Variants in CCDC178 observed in about 807,000 individuals in gnomAD.
CCDC178 encodes coiled-coil domain-containing protein 178.
In CCDC178, 126 loss-of-function variants were observed where a neutral mutation model predicts 117.4. The observed-to-expected ratio is 1.07, with a 90% CI of 0.93 to 1.24. The LOEUF is 1.24. CCDC178 is among the 50% of genes most tolerant of loss of function. The pLI is 0.00. For synonymous variants in CCDC178, 283 were observed against 313.4 expected, an observed-to-expected ratio of 0.90 and a Z score of 1.02; for missense variants, 1,030 against 986.9, an observed-to-expected ratio of 1.04 and a Z score of -0.59.
chr18:33,402,939 C>T (rs2063728592), intron 3 of CCDC178, among the ~76,000 whole-genome samples: 1 of 152,164 alleles, frequency 6.6e-6, no homozygotes, highest in South Asian at 2.1e-4. Context: ...AGGGGAGAGC[C>T]TAGACTTGTA....
At chr18:33,219,042 C>A (rs1485705145) in intron 18 of CCDC178, among the ~76,000 whole-genome samples, 1 of 152,080 alleles carries the variant, frequency 6.6e-6, no homozygotes, top group Non-Finnish European at 1.5e-5. Flanking sequence ...TTACTTTGGG[C>A]AGTATGGCAG....
chr18:33,108,046 T>C (rs1332339129), intron 20 of CCDC178, among the ~76,000 whole-genome samples: 3 of 151,674 alleles, frequency 2.0e-5, no homozygotes, highest in Non-Finnish European at 4.4e-5. Context: ...AGGATGTTTG[T>C]CATGGTATTT....
intron 11 of CCDC178, among the ~76,000 whole-genome samples, chr18:33,314,198 CTCAAAAAAAAAAAA>C (rs1568138144): frequency 4.7e-5 from 2 of 43,008 alleles, no homozygotes; most frequent in Non-Finnish European, 8.3e-5. Flanking sequence ...GAGACTCCGT[CTCAAAAAAAAAAAA>C]AAAAAAAAAA....
Position 33,349,031 on chromosome 18 carries a change from AT to A in CCDC178, c.372-57del, listed in dbSNP as rs950167005. 5.0e-5 allele frequency: 51 copies of A among 1,029,024 alleles called. No individual in the cohort carries two copies. In the African/African-American group the frequency reaches 7.4e-4, roughly 15 times the overall value. 63.7% of individuals were successfully genotyped at this position (1,029,024 alleles called of 1,614,324 possible). On this transcript the variant is annotated intron_variant, in intron 7 of 22. Coordinates refer to ENST00000383096, the MANE Select transcript of CCDC178 (RefSeq NM_001105528.4). ...GAAGTACTTAAAGTTAGTAAAACAAATTTTAGGTTATGCTCTTCTATTGAAT... is the reference window on the plus strand; with the variant it reads ...GAAGTACTTAAAGTTAGTAAAACAAATTTAGGTTATGCTCTTCTATTGAAT...
intron 11 of CCDC178, among the ~76,000 whole-genome samples, chr18:33,322,419 C>T (rs978594781): frequency 1.4e-4 from 22 of 151,830 alleles, no homozygotes; most frequent in Non-Finnish European, 3.0e-4. Context: ...ACAGTACACT[C>T]AACAAGTAAA....
intron 2 of CCDC178, among the ~76,000 whole-genome samples, chr18:33,423,373 A>C (rs369908810): frequency 6.6e-6 from 1 of 152,162 alleles, no homozygotes; most frequent in African/African-American, 2.4e-5. Flanking sequence ...CTGTAAAAAA[A>C]TTCGACATAA....
chr18:33,138,238 G>C (rs1012941963), intron 20 of CCDC178, among the ~76,000 whole-genome samples: 2 of 152,254 alleles, frequency 1.3e-5, no homozygotes, highest in East Asian at 3.9e-4. Flanking sequence ...TTAATTCTTT[G>C]CATGTCAACT....
intron 21 of CCDC178, among the ~76,000 whole-genome samples, chr18:33,012,924 T>C (rs2055901341): frequency 6.6e-6 from 1 of 152,132 alleles, no homozygotes; most frequent in Non-Finnish European, 1.5e-5. Context: ...AACTGTTTCT[T>C]ACACAAGGAT....
chr18:33,117,774 G>A (rs271566), intron 20 of CCDC178, among the ~76,000 whole-genome samples: 14,888 of 151,378 alleles, frequency 0.098, 955 homozygotes, highest in African/African-American at 0.18. Context: ...TGCCTTCCCT[G>A]CTATAAAACA....
intron 20 of CCDC178, among the ~76,000 whole-genome samples, chr18:33,209,907 G>T (rs149680355): frequency 1.5e-3 from 225 of 152,094 alleles, no homozygotes; most frequent in African/African-American, 5.0e-3. Flanking sequence ...AAAAGAAAGA[G>T]AATGAGACAG....
chr18:33,316,380 C>T (rs1009050571), intron 11 of CCDC178, among the ~76,000 whole-genome samples: 4 of 152,200 alleles, frequency 2.6e-5, no homozygotes, highest in Non-Finnish European at 5.9e-5. Flanking sequence ...AGCTGCTGCG[C>T]TCGATTTCTC....
chr18:32,978,982 A>G (rs1179793085), intron 21 of CCDC178, among the ~76,000 whole-genome samples: 1 of 151,362 alleles, frequency 6.6e-6, no homozygotes, highest in Non-Finnish European at 1.5e-5. Flanking sequence ...GGTTGCAGTG[A>G]GCAGAGATCG....
chr18:32,965,866 C>A (rs2054801922), intron 22 of CCDC178, among the ~76,000 whole-genome samples: 2 of 149,708 alleles, frequency 1.3e-5, no homozygotes, highest in African/African-American at 4.9e-5. Context: ...ATCATTTATT[C>A]ATATATGAAA....
chr18:33,402,240 C>T (rs1016501339), intron 3 of CCDC178, among the ~76,000 whole-genome samples: 4 of 152,090 alleles, frequency 2.6e-5, no homozygotes, highest in African/African-American at 9.7e-5. Context: ...TTTAAAAAGG[C>T]GAAATTGTCA....
At chr18:33,433,739 C>A (rs1180615328) in intron 2 of CCDC178, among the ~76,000 whole-genome samples, 2 of 151,842 alleles carry the variant, frequency 1.3e-5, no homozygotes, top group African/African-American at 4.8e-5. Flanking sequence ...AACAGTAAAG[C>A]GCCTTAATAG....
At chr18:33,337,553 T>C (rs904040548) in intron 9 of CCDC178, among the ~76,000 whole-genome samples, 9 of 152,050 alleles carry the variant, frequency 5.9e-5, no homozygotes, top group African/African-American at 1.9e-4. Flanking sequence ...GGTATTGGTA[T>C]AAAAATGGGC....
chr18:33,113,876 G>T (rs1343797911), intron 20 of CCDC178, among the ~76,000 whole-genome samples: 7 of 152,012 alleles, frequency 4.6e-5, no homozygotes, highest in Non-Finnish European at 1.0e-4. Flanking sequence ...TGGTGGTTTA[G>T]ATTCTTCCCA....
chr18:33,384,492 C>T (rs1220728202), intron 5 of CCDC178, among the ~76,000 whole-genome samples: 1 of 152,118 alleles, frequency 6.6e-6, no homozygotes, highest in Non-Finnish European at 1.5e-5. Context: ...AAAGGGCAAC[C>T]CATCAGACTA....
intron 22 of CCDC178, among the ~76,000 whole-genome samples, chr18:32,963,239 C>T (rs897997841): frequency 6.6e-6 from 1 of 152,000 alleles, no homozygotes; most frequent in African/African-American, 2.4e-5. Flanking sequence ...ATTCCATATC[C>T]CAGGAATCTG....
Sources: allele counts gnomAD v4.1 joint callset (sites outside exome capture counted in the v4.1 genomes callset), GRCh38; gene constraint gnomAD v4.1.1; transcripts MANE v1.5; gene names NCBI Gene and HGNC (gene_info 2026-07-23, HGNC 2026-07-21).